RAD51AP2: variants seen among roughly 807,000 people sequenced by gnomAD.
RAD51AP2 encodes RAD51-associated protein 2.
RAD51AP2 carries 67 observed loss-of-function variants against 85.5 expected under a neutral mutation model. The observed-to-expected ratio is 0.78, with a 90% CI of 0.64 to 0.96. The LOEUF is 0.96. RAD51AP2 is among the 40% of genes least tolerant of loss of function. The pLI, the probability that RAD51AP2 is intolerant of heterozygous loss-of-function variation, is 0.00. For missense variants in RAD51AP2, 1,307 were observed against 1,332.4 expected (o/e 0.98, Z 0.30); for synonymous variants, 474 against 446.5 (o/e 1.06, Z -0.78).
intron 2 of RAD51AP2, 52 bp from the exon 3 acceptor site, chr2:17,511,007 A>C (rs1183217356): frequency 7.7e-7 from 1 of 1,305,120 alleles, no homozygotes. Flanking sequence ...TCTATGCCTA[A>C]AAATCTTTAC....
rs960087317 is a variant in RAD51AP2, at chr2:17,514,912, CT to C, written c.3247+256del. Among the ~76,000 whole-genome samples, 450 of 142,998 alleles carry C rather than the reference CT, an allele frequency of 3.1e-3. 4 individuals are homozygous for C. Among genetic ancestry groups the C allele is most frequent in the African/African-American group, 8.5e-3 (332 of 39,164 alleles). 93.8% of individuals were successfully genotyped at this position (142,998 alleles called of 152,430 possible). On this transcript the variant is annotated intron_variant, in intron 1 of 2. Coordinates refer to ENST00000399080, the MANE Select transcript of RAD51AP2 (RefSeq NM_001099218.3). ...TAACAATGTAACTGTATGAAAACAC[CT>C]TTTTTTTTTTTCTTGGTGTTTCCAA...
chr2:17,531,513 A>G, the RAD51AP2 span, among the ~76,000 whole-genome samples: 1 of 152,190 alleles, frequency 6.6e-6, no homozygotes, highest in South Asian at 2.1e-4. Flanking sequence ...ATAGTCTATT[A>G]AAAATGACAT....
chr2:17,515,107 A>T, intron 1 of RAD51AP2, 62 bp downstream of exon 1: 1 of 1,349,558 alleles, frequency 7.4e-7, no homozygotes, highest in Non-Finnish European at 1.0e-6. Flanking sequence ...CATTTGGCCT[A>T]CACAGAAAAA....
At chr2:17,537,349 C>T in the RAD51AP2 span, among the ~76,000 whole-genome samples, 2 of 152,032 alleles carry the variant, frequency 1.3e-5, no homozygotes, top group Admixed American at 6.6e-5. Context: ...AAAAATCTTA[C>T]GTAATATAAT....
chr2:17,518,429 A>T lies in RAD51AP2; in HGVS notation c.-14T>A. On this transcript the variant is annotated 5_prime_UTR_variant, in exon 1 of 3. Coordinates refer to ENST00000399080, the MANE Select transcript of RAD51AP2 (RefSeq NM_001099218.3). ...AGGGAGAGACATGACAGCGAATGGA[A>T]AGGATCTGTCCGAGTCCCGGCGGGG... 6.2e-7 allele frequency: 1 copy of T among 1,606,042 alleles called. No individual in the cohort carries two copies. The highest frequency in any genetic ancestry group is 8.5e-7 in the Non-Finnish European group (1 of 1,177,270).
Position 17,516,961 on chromosome 2 carries a change from A to G in RAD51AP2, c.1455T>C (p.Asn485=), listed in dbSNP as rs974286251. The G allele has an allele frequency of 2.5e-6, 4 of 1,598,510 alleles. No individual in the cohort carries two copies. The highest frequency in any genetic ancestry group is 2.7e-5 in the African/African-American group (2 of 74,010). ...TTVWLNGKGE[N]DNTLQLRYNT... ...TGTATCTCAACTGTAGAGTATTATC[A>G]TTTTCTCCTTTACCATTTAGCCAAA... is the stretch of plus-strand genomic sequence containing the variant. Residue 485 remains asparagine (N), a synonymous_variant, in exon 1 of 3, where the codon AAT becomes AAC. Coordinates refer to ENST00000399080, the MANE Select transcript of RAD51AP2 (RefSeq NM_001099218.3).
the RAD51AP2 span, among the ~76,000 whole-genome samples, chr2:17,531,221 T>G: frequency 6.6e-6 from 1 of 152,220 alleles, no homozygotes; most frequent in Non-Finnish European, 1.5e-5. Flanking sequence ...ATCATCTCAT[T>G]TTATACTCAT....
At position 17,515,635 on chromosome 2, in the gene RAD51AP2, A is replaced by AAT. The variant is rs1662634706; in HGVS notation, c.2779_2780dup (p.Asn928LeufsTer9). ...TCAGACCAGTTTCAAATTGATGATT[A>AAT]ATATATAATGCAGAGTCATTCTTTC... On this transcript the variant is annotated frameshift_variant, in exon 1 of 3. Transcript: ENST00000399080. LOFTEE classifies it high-confidence loss of function. The AAT allele has an allele frequency of 6.2e-7, 1 of 1,612,330 alleles. No homozygotes were observed. Among genetic ancestry groups the AAT allele is most frequent in the Non-Finnish European group, 8.5e-7 (1 of 1,179,382 alleles).
Position 17,516,146 on chromosome 2 carries a change from T to A in RAD51AP2, c.2270A>T (p.Asn757Ile). The A allele has an allele frequency of 6.2e-7, 1 of 1,613,050 alleles. No homozygotes were observed. The highest frequency in any genetic ancestry group is 8.5e-7 in the Non-Finnish European group (1 of 1,179,584). The change falls in exon 1 of 3, where the codon AAT becomes ATT. Residue 757 changes from asparagine to isoleucine, a missense_variant. Coordinates refer to ENST00000399080, the MANE Select transcript of RAD51AP2 (RefSeq NM_001099218.3). ...GYINENFYEV[N>I]MHSQDLNMER... is the part of the protein sequence containing the mutation. ...CATATTTAAATCTTGGCTGTGCATA[T>A]TTACTTCATAAAAATTTTCATTAAT...
At chr2:17,511,027 T>A (rs1662478913) in intron 2 of RAD51AP2, 72 bp from the exon 3 acceptor site, 15 of 996,826 alleles carry the variant, frequency 1.5e-5, no homozygotes, top group Non-Finnish European at 2.1e-5. Flanking sequence ...CTTCTAATCA[T>A]GATATTAGCA....
intron 2 of RAD51AP2, among the ~76,000 whole-genome samples, chr2:17,511,955 G>T (rs1249590584): frequency 3.3e-5 from 5 of 152,090 alleles, no homozygotes; most frequent in Admixed American, 3.3e-4. Context: ...TAAAAACTTT[G>T]AAACACAAAG....
In RAD51AP2 at chr2:17,515,657, T is replaced by A. The variant is rs1662636090; in HGVS notation, c.2759A>T (p.Lys920Met). 1.9e-6 allele frequency: 3 copies of A among 1,612,588 alleles called. No homozygotes were observed. Among genetic ancestry groups the A allele is most frequent in the Non-Finnish European group, 2.5e-6 (3 of 1,179,516 alleles). The change falls in exon 1 of 3, where the codon AAG becomes ATG. Residue 920 changes from lysine (K) to methionine (M), a missense_variant. This residue lies in a region of RAD51AP2 where 668 missense variants were observed against 671.0 expected (regional missense o/e 1.00). Coordinates refer to ENST00000399080, the MANE Select transcript of RAD51AP2 (RefSeq NM_001099218.3). ...EIANSKDFHRKNDSALYINHQ... is the reference protein window; with the variant it reads ...EIANSKDFHRMNDSALYINHQ... ...ATTAATATATAATGCAGAGTCATTC[T>A]TTCTGTGAAAATCCTTTGAATTAGC...
the RAD51AP2 span, among the ~76,000 whole-genome samples, chr2:17,537,146 A>C: frequency 1.3e-5 from 2 of 152,134 alleles, no homozygotes; most frequent in East Asian, 3.9e-4. Flanking sequence ...ATGGCAAGAC[A>C]CCTGTTTCTA....
chr2:17,531,024 T>C, the RAD51AP2 span, among the ~76,000 whole-genome samples: 4 of 152,236 alleles, frequency 2.6e-5, no homozygotes, highest in Non-Finnish European at 5.9e-5. Flanking sequence ...ATTTAATCTT[T>C]GGGCTGTATC....
chr2:17,514,297 T>C (rs985183260), intron 1 of RAD51AP2, among the ~76,000 whole-genome samples: 1 of 152,238 alleles, frequency 6.6e-6, no homozygotes, highest in Non-Finnish European at 1.5e-5. Context: ...AATACATCTT[T>C]ATGAGAAAAT....
At chr2:17,513,239 T>C (rs971128298) in intron 2 of RAD51AP2, among the ~76,000 whole-genome samples, 30 of 134,584 alleles carry the variant, frequency 2.2e-4, no homozygotes, top group African/African-American at 7.9e-4. Flanking sequence ...AGTGTGTGCT[T>C]TTTTTTTTTT....
Position 17,515,174 on chromosome 2 carries a change from T to G in RAD51AP2, c.3242A>C (p.Glu1081Ala). Residue 1081 changes from glutamate (E) to alanine (A), a missense_variant, in exon 1 of 3, where the codon GAG becomes GCG. By Grantham distance (107) the Glu-to-Ala change is moderately radical. Transcript: ENST00000399080. The stretch of plus-strand genomic sequence containing the variant: ...TTCTAAAATGAATTTCATACCTTTC[T>G]CAGAAGTAGAGTAAAGTAATTCTTC... ...SEEELLYSTS[E>A]KDCETPLPKR... 2 of 1,561,146 alleles carry G rather than the reference T, an allele frequency of 1.3e-6. No homozygotes were observed. The highest frequency in any genetic ancestry group is 1.4e-5 in the African/African-American group (1 of 72,716).
At chr2:17,533,808 G>T in the RAD51AP2 span, among the ~76,000 whole-genome samples, 1 of 152,268 alleles carries the variant, frequency 6.6e-6, no homozygotes, top group South Asian at 2.1e-4. Context: ...CTAGCTACTT[G>T]GGAGGCTGAA....
At chr2:17,521,155 A>G (rs1338062038), upstream of RAD51AP2, among the ~76,000 whole-genome samples, 2 of 151,842 alleles carry the variant, frequency 1.3e-5, no homozygotes, top group Non-Finnish European at 2.9e-5. Flanking sequence ...TCCATGGTTA[A>G]TACTCATTTA....
Sources: allele counts gnomAD v4.1 joint callset (sites outside exome capture counted in the v4.1 genomes callset), GRCh38; gene constraint gnomAD v4.1.1; regional missense constraint gnomAD v4.1.1; transcripts MANE v1.5; gene names NCBI Gene and HGNC (gene_info 2026-07-23, HGNC 2026-07-21).